ADK: variants seen among roughly 807,000 people sequenced by gnomAD.
ADK encodes the protein N6,N6-dimethyladenosine kinase.
A neutral mutation model predicts 44.7 loss-of-function variants in ADK; 24 were observed. The ratio of observed to expected loss-of-function variants is 0.54; its 90% confidence interval spans 0.39 to 0.76. The LOEUF (loss-of-function observed/expected upper bound fraction) is 0.76. ADK is among the 30% of genes least tolerant of loss of function. The pLI, the probability that ADK is intolerant of heterozygous loss-of-function variation, is 0.00. For synonymous variants in ADK, 128 were observed against 142.6 expected, an observed-to-expected ratio of 0.90 and a Z score of 0.73; for missense variants, 321 against 425.1, an observed-to-expected ratio of 0.76 and a Z score of 2.15.
intron 4 of ADK, among the ~76,000 whole-genome samples, chr10:74,374,526 A>G (rs1213910385): frequency 6.6e-6 from 1 of 152,152 alleles, no homozygotes; most frequent in Non-Finnish European, 1.5e-5. Context: ...GTTTTACACG[A>G]TCATAATTTT....
intron 2 of ADK, among the ~76,000 whole-genome samples, chr10:74,222,808 C>T (rs1008979009): frequency 7.2e-5 from 10 of 138,588 alleles, no homozygotes; most frequent in African/African-American, 2.2e-4. Flanking sequence ...GGGAATTGAA[C>T]AATGAGAACA....
chr10:74,531,834 T>C (rs986514821), intron 7 of ADK, among the ~76,000 whole-genome samples: 2 of 152,174 alleles, frequency 1.3e-5, no homozygotes, highest in Admixed American at 6.5e-5. Flanking sequence ...CACTTGGCAG[T>C]GTTGAATTTT....
At chr10:74,632,228 C>T (rs1853462185) in intron 9 of ADK, among the ~76,000 whole-genome samples, 1 of 152,124 alleles carries the variant, frequency 6.6e-6, no homozygotes, top group Non-Finnish European at 1.5e-5. Flanking sequence ...CTGTGTTAGG[C>T]TTCTTTCACT....
intron 9 of ADK, chr10:74,655,567 G>A (rs1854452013): frequency 1.0e-5 from 5 of 484,956 alleles, no homozygotes; most frequent in Non-Finnish European, 1.2e-5. Context: ...CTGGCCCCAA[G>A]AAAGAGGTGG....
At chr10:74,273,861 G>A (rs779084949) in intron 3 of ADK, among the ~76,000 whole-genome samples, 3 of 152,172 alleles carry the variant, frequency 2.0e-5, no homozygotes, top group Admixed American at 6.5e-5. Context: ...ACAGGCAGGC[G>A]TATCGGCTTC....
At chr10:74,673,442 A>C (rs1855257485) in intron 10 of ADK, among the ~76,000 whole-genome samples, 1 of 152,144 alleles carries the variant, frequency 6.6e-6, no homozygotes. Context: ...AGCGAACTTC[A>C]CTCACTCGCT....
chr10:74,581,017 TAAATAC>T (rs1156865860), intron 7 of ADK, among the ~76,000 whole-genome samples: 3 of 104,984 alleles, frequency 2.9e-5, no homozygotes, highest in Non-Finnish European at 5.6e-5. Context: ...CAATCAATAA[TAAATAC>T]ACACACACAC....
chr10:74,426,722 T>C (rs776695303), intron 6 of ADK, among the ~76,000 whole-genome samples: 4 of 152,176 alleles, frequency 2.6e-5, no homozygotes, highest in Non-Finnish European at 4.4e-5. Context: ...AACAGTTAAA[T>C]AAAAATGATA....
intron 3 of ADK, among the ~76,000 whole-genome samples, chr10:74,256,060 G>A (rs1483281879): frequency 2.6e-5 from 4 of 152,180 alleles, no homozygotes; most frequent in African/African-American, 7.2e-5. Flanking sequence ...TCACAGTGGC[G>A]ATAGGCTTAA....
At chr10:74,289,336 C>T (rs574019283) in intron 3 of ADK, among the ~76,000 whole-genome samples, 30 of 152,264 alleles carry the variant, frequency 2.0e-4, no homozygotes, top group South Asian at 6.2e-4. Context: ...CATGAGCCAC[C>T]GTACCTGGCT....
At chr10:74,677,674 T>C (rs1157406520) in intron 10 of ADK, among the ~76,000 whole-genome samples, 1 of 152,190 alleles carries the variant, frequency 6.6e-6, no homozygotes, top group East Asian at 1.9e-4. Flanking sequence ...ATTTACTTGA[T>C]GGTGACCAAG....
intron 4 of ADK, among the ~76,000 whole-genome samples, chr10:74,345,193 C>T (rs529561238): frequency 6.6e-6 from 1 of 152,166 alleles, no homozygotes; most frequent in East Asian, 1.9e-4. Flanking sequence ...TTGTGCCTTT[C>T]TAAGTATTTG....
intron 3 of ADK, among the ~76,000 whole-genome samples, chr10:74,241,472 A>G (rs973413397): frequency 7.2e-5 from 11 of 152,090 alleles, no homozygotes; most frequent in Non-Finnish European, 1.5e-4. Context: ...TGCAACCTCT[A>G]TCTCCCGGGT....
intron 4 of ADK, among the ~76,000 whole-genome samples, chr10:74,391,913 A>G (rs538548724): frequency 6.6e-6 from 1 of 152,174 alleles, no homozygotes; most frequent in South Asian, 2.1e-4. Flanking sequence ...TATGATTTTG[A>G]CTACTTCAGA....
At chr10:74,560,549 A>G (rs1174312463) in intron 7 of ADK, among the ~76,000 whole-genome samples, 1 of 152,270 alleles carries the variant, frequency 6.6e-6, no homozygotes, top group East Asian at 1.9e-4. Flanking sequence ...ATTGCTGTAA[A>G]GTCATAGTAG....
chr10:74,644,308 T>G (rs913164152), intron 9 of ADK, among the ~76,000 whole-genome samples: 11 of 152,196 alleles, frequency 7.2e-5, no homozygotes, highest in Non-Finnish European at 1.5e-4. Context: ...GGAAGTACAG[T>G]TCTTATGAAC....
intron 10 of ADK, among the ~76,000 whole-genome samples, chr10:74,688,254 T>A (rs577465495): frequency 1.3e-5 from 2 of 152,358 alleles, no homozygotes; most frequent in Admixed American, 1.3e-4. Context: ...TACTCAGTTC[T>A]TTTTCATAGT....
chr10:74,264,420 T>C (rs138308485), intron 3 of ADK, among the ~76,000 whole-genome samples: 12 of 152,354 alleles, frequency 7.9e-5, no homozygotes, highest in African/African-American at 2.6e-4. Flanking sequence ...TATACATGTG[T>C]TTACCTTTTA....
intron 1 of ADK, chr10:74,177,005 C>T: frequency 7.2e-7 from 1 of 1,387,676 alleles, no homozygotes; most frequent in Non-Finnish European, 1.0e-6. Flanking sequence ...TGGTCCCCCT[C>T]GTGTTGGGGG....
Sources: gnomAD v4.1 joint callset for allele counts (sites outside exome capture counted in the v4.1 genomes callset) on GRCh38, gnomAD v4.1.1 for gene constraint, MANE v1.5 for transcripts, NCBI Gene and HGNC (gene_info 2026-07-23, HGNC 2026-07-21) for gene names.